Variants in CAAP1 observed in about 807,000 individuals in gnomAD.
CAAP1 encodes conserved anti-apoptotic protein.
In CAAP1, 20 loss-of-function variants were observed where a neutral mutation model predicts 34.0. That is an observed-to-expected ratio of 0.59 (90% CI 0.41 to 0.86). The LOEUF is 0.86. CAAP1 is among the 40% of genes least tolerant of loss of function. CAAP1 has a pLI of 0.00. For missense variants in CAAP1, 538 were observed against 450.5 expected (o/e 1.19, Z -1.76); for synonymous variants, 213 against 166.7 (o/e 1.28, Z -2.14).
intron 4 of CAAP1, among the ~76,000 whole-genome samples, chr9:26,875,028 A>G (rs1482719396): frequency 3.9e-5 from 6 of 152,222 alleles, no homozygotes; most frequent in Non-Finnish European, 5.9e-5. Context: ...GTTAAATACC[A>G]TACACACACA....
At chr9:26,886,997 C>T (rs555128844) in intron 2 of CAAP1, among the ~76,000 whole-genome samples, 1 of 152,128 alleles carries the variant, frequency 6.6e-6, no homozygotes, top group African/African-American at 2.4e-5. Context: ...GGGCAGATCA[C>T]GAGGTCAGGA....
intron 5 of CAAP1, among the ~76,000 whole-genome samples, chr9:26,857,988 T>C (rs1822911834): frequency 6.6e-6 from 1 of 152,248 alleles, no homozygotes; most frequent in East Asian, 1.9e-4. Context: ...AAATAACTTA[T>C]ATACCATTAA....
chr9:26,892,304 G>A, intron 1 of CAAP1, 109 bp downstream of exon 1: 1 of 1,541,498 alleles, frequency 6.5e-7, no homozygotes, highest in African/African-American at 1.4e-5. Context: ...ACGACCTTGA[G>A]ATTGCCGCGC....
At chr9:26,889,302 C>G (rs1823839295) in intron 1 of CAAP1, among the ~76,000 whole-genome samples, 2 of 152,000 alleles carry the variant, frequency 1.3e-5, no homozygotes, top group Non-Finnish European at 2.9e-5. Context: ...CCTGTAATCC[C>G]AACTACTCGG....
intron 5 of CAAP1, among the ~76,000 whole-genome samples, chr9:26,847,363 C>T (rs1046076869): frequency 3.3e-5 from 5 of 151,294 alleles, no homozygotes; most frequent in African/African-American, 7.3e-5. Context: ...TACAGGCGCC[C>T]GCCACCACGC....
intron 5 of CAAP1, 51 bp downstream of exon 5, chr9:26,861,015 C>G: frequency 1.8e-5 from 23 of 1,271,260 alleles, no homozygotes; most frequent in Non-Finnish European, 2.5e-5. Context: ...TGGTAAAATG[C>G]TTCTATTCTT....
intron 4 of CAAP1, chr9:26,870,121 A>G: frequency 5.2e-6 from 1 of 190,974 alleles, no homozygotes; most frequent in Non-Finnish European, 9.6e-6. Context: ...AGTTCCCCAC[A>G]GGGAAACCGT....
intron 1 of CAAP1, among the ~76,000 whole-genome samples, chr9:26,891,415 T>G (rs1319996848): frequency 6.6e-6 from 1 of 152,216 alleles, no homozygotes; most frequent in Non-Finnish European, 1.5e-5. Flanking sequence ...CTGTTTGGAC[T>G]ATAAATCTGT....
At chr9:26,843,704 T>C (rs146749302) in intron 5 of CAAP1, among the ~76,000 whole-genome samples, 5 of 152,170 alleles carry the variant, frequency 3.3e-5, no homozygotes, top group Admixed American at 6.5e-5. Context: ...AAAACATAGA[T>C]TGACAGATGG....
intron 5 of CAAP1, among the ~76,000 whole-genome samples, chr9:26,844,162 A>G (rs1220594422): frequency 6.6e-6 from 1 of 152,136 alleles, no homozygotes; most frequent in Non-Finnish European, 1.5e-5. Context: ...GTTTGAGACC[A>G]GCCTGACCAA....
Position 26,892,590 on chromosome 9 carries a change from G to C in CAAP1, c.126C>G (p.Gly42=). 6.2e-7 allele frequency: 1 copy of C among 1,605,278 alleles called. No individual in the cohort carries two copies. The highest frequency in any genetic ancestry group is 8.5e-7 in the Non-Finnish European group (1 of 1,177,470). Residue 42 remains glycine (G), a synonymous_variant, in exon 1 of 6, where the codon GGC becomes GGG. Coordinates refer to ENST00000333916, the MANE Select transcript of CAAP1 (RefSeq NM_024828.4). ...TCCCGCAGCCCCCGGCGCTCCCGCA[G>C]CCGCTAGTGCTTCCACTGCTGCCGC... ...LASGSSGSTS[G]CGSAGGCGSV...
chr9:26,854,706 T>A (rs547825353), intron 5 of CAAP1, among the ~76,000 whole-genome samples: 7 of 152,146 alleles, frequency 4.6e-5, no homozygotes, highest in African/African-American at 7.2e-5. Flanking sequence ...AAAGCAACAA[T>A]ACGAAAACAA....
At chr9:26,888,033 T>C (rs558267880) in intron 1 of CAAP1, among the ~76,000 whole-genome samples, 3 of 152,222 alleles carry the variant, frequency 2.0e-5, no homozygotes, top group Non-Finnish European at 4.4e-5. Flanking sequence ...CCATTTTACT[T>C]TCTGTCTCCC....
chr9:26,843,047 T>C (rs1165111713), intron 5 of CAAP1, among the ~76,000 whole-genome samples: 1 of 152,202 alleles, frequency 6.6e-6, no homozygotes, highest in Admixed American at 6.5e-5. Context: ...AATTTCATTC[T>C]AGAAGGTGTT....
At chr9:26,882,627 T>C (rs893595996) in intron 4 of CAAP1, among the ~76,000 whole-genome samples, 2 of 152,174 alleles carry the variant, frequency 1.3e-5, no homozygotes, top group African/African-American at 2.4e-5. Context: ...ACAGTCTTCA[T>C]TGGCGCACTG....
intron 4 of CAAP1, among the ~76,000 whole-genome samples, chr9:26,882,097 C>T (rs1823605616): frequency 6.6e-6 from 1 of 152,140 alleles, no homozygotes; most frequent in Non-Finnish European, 1.5e-5. Flanking sequence ...TTATTAAAAG[C>T]ATTCAGTTTT....
intron 5 of CAAP1, among the ~76,000 whole-genome samples, chr9:26,847,713 C>G (rs1478773909): frequency 6.6e-6 from 1 of 151,344 alleles, no homozygotes; most frequent in Non-Finnish European, 1.5e-5. Flanking sequence ...GTTTTCCTGT[C>G]TTATAATTTT....
intron 5 of CAAP1, among the ~76,000 whole-genome samples, chr9:26,860,373 T>C (rs539990671): frequency 2.4e-4 from 36 of 152,248 alleles, no homozygotes; most frequent in African/African-American, 5.1e-4. Context: ...AGAAAGTAAG[T>C]AAACAAGGAC....
chr9:26,873,830 C>T (rs892818406), intron 4 of CAAP1, among the ~76,000 whole-genome samples: 1 of 151,954 alleles, frequency 6.6e-6, no homozygotes, highest in Non-Finnish European at 1.5e-5. Flanking sequence ...TTAGACAACC[C>T]GAAATAAAAT....
Sources: gnomAD v4.1 joint callset for allele counts (sites outside exome capture counted in the v4.1 genomes callset) on GRCh38, gnomAD v4.1.1 for gene constraint, MANE v1.5 for transcripts, NCBI Gene and HGNC (gene_info 2026-07-23, HGNC 2026-07-21) for gene names.